The following CPLX1 variants were observed in gnomAD, a reference collection of about 807,000 sequenced individuals.
CPLX1 encodes the protein complexin 1, also known as complexin-1.
CPLX1 carries 6 observed loss-of-function variants against 15.6 expected under a neutral mutation model. That is an observed-to-expected ratio of 0.39 (90% CI 0.21 to 0.76). CPLX1 has a LOEUF of 0.76. Among genes scored for constraint, CPLX1 ranks in the 30% least tolerant of loss-of-function variants. The pLI is 0.43. For missense variants in CPLX1, 242 were observed against 188.6 expected (o/e 1.28, Z -1.66); for synonymous variants, 91 against 75.2 (o/e 1.21, Z -1.08).
chr4:814,187 T>C (rs1475866952), intron 2 of CPLX1, among the ~76,000 whole-genome samples: 1 of 152,148 alleles, frequency 6.6e-6, no homozygotes, highest in African/African-American at 2.4e-5. Context: ...CACTTCCTCT[T>C]ATAATCATGC....
intron 2 of CPLX1, chr4:804,650 C>T (rs533425857): frequency 3.3e-5 from 27 of 829,552 alleles, no homozygotes; most frequent in South Asian, 1.1e-4. Flanking sequence ...GCTTAAACTC[C>T]AACGCTTTTG....
At chr4:825,217 T>C (rs1057137813) in intron 1 of CPLX1, among the ~76,000 whole-genome samples, 2 of 150,598 alleles carry the variant, frequency 1.3e-5, no homozygotes, top group African/African-American at 4.9e-5. Context: ...GGGGCGTGCA[T>C]GGGGTGGGGT....
At position 786,940 on chromosome 4, in the gene CPLX1, G is replaced by C. The variant is rs576705968; in HGVS notation, c.208-242C>G. 5.2e-3 allele frequency: 5,119 copies of C among 982,752 alleles called. 26 individuals carry two copies. The highest frequency in any genetic ancestry group is 6.1e-3 in the East Asian group (54 of 8,788). The allele number at this position is 982,752 out of a possible 1,614,324, so 60.9% of individuals were successfully genotyped here. Reference sequence around the variant, plus strand: ...CATGGGGGGGAGCAGGGAGGGGGAGGCTCCCATCTTCCTTGAGAGGAGAGA... The same window carrying C: ...CATGGGGGGGAGCAGGGAGGGGGAGCCTCCCATCTTCCTTGAGAGGAGAGA... On this transcript the variant is annotated intron_variant, in intron 3 of 3. Coordinates refer to ENST00000304062, the MANE Select transcript of CPLX1 (RefSeq NM_006651.4).
At chr4:792,376 G>C in intron 3 of CPLX1, 57 bp downstream of exon 3, 1 of 1,424,644 alleles carries the variant, frequency 7.0e-7, no homozygotes, top group Non-Finnish European at 9.2e-7. Flanking sequence ...GGCGGGATCT[G>C]GGTCCCCGCT....
At chr4:787,038 C>T in intron 3 of CPLX1, 1 of 985,414 alleles carries the variant, frequency 1.0e-6, no homozygotes, top group South Asian at 4.7e-5. Context: ...AGCCTCCGGC[C>T]CGGGGCAGGG....
Position 820,909 on chromosome 4 carries a change from C to T in CPLX1, c.31+3583G>A, listed in dbSNP as rs187244172. On this transcript the variant is annotated intron_variant, in intron 2 of 3. Coordinates refer to ENST00000304062, the MANE Select transcript of CPLX1 (RefSeq NM_006651.4). ...CTCACAGCCCAGCCCCACGGGGGCG[C>T]GGAGGGGCTCTCCCACACGGTGGAA... Among the ~76,000 whole-genome samples, 949 of 152,270 alleles carry T rather than the reference C, an allele frequency of 6.2e-3. 5 individuals carry two copies. The highest frequency in any genetic ancestry group is 0.021 in the African/African-American group (882 of 41,552).
chr4:819,083 G>A (rs756966699), intron 2 of CPLX1, among the ~76,000 whole-genome samples: 29 of 152,244 alleles, frequency 1.9e-4, no homozygotes, highest in African/African-American at 6.5e-4. Context: ...AGCATTAAAC[G>A]CTCTGCGCTC....
At chr4:817,391 TAAAA>T (rs56378964) in intron 2 of CPLX1, among the ~76,000 whole-genome samples, 1 of 126,778 alleles carries the variant, frequency 7.9e-6, no homozygotes, top group African/African-American at 2.9e-5. Flanking sequence ...CCGTCTCTAC[TAAAA>T]AAAAAAAAAA....
rs1452707841 is a variant in CPLX1, at chr4:785,522, G to A, written c.*979C>T. 2 of 152,592 alleles carry A rather than the reference G, an allele frequency of 1.3e-5. No individual in the cohort carries two copies. Among genetic ancestry groups the A allele is most frequent in the African/African-American group, 4.8e-5 (2 of 41,466 alleles). The allele number at this position is 152,592 out of a possible 1,614,324, so 9.5% of individuals were successfully genotyped here. On this transcript the variant is annotated 3_prime_UTR_variant, in exon 4 of 4. Transcript: ENST00000304062. ...TACCTGAGATTCAACAAATTGTGATGCAAATTAAACATGAATGGAGGAGAA... is the reference window on the plus strand; with the variant it reads ...TACCTGAGATTCAACAAATTGTGATACAAATTAAACATGAATGGAGGAGAA...
chr4:786,396 T>C lies in CPLX1; in HGVS notation c.*105A>G, dbSNP rs2152640690. 4 of 1,312,460 alleles carry C rather than the reference T, an allele frequency of 3.0e-6. No individual in the cohort carries two copies. The highest frequency in any genetic ancestry group is 4.1e-6 in the Non-Finnish European group (4 of 984,048). 81.3% of individuals were successfully genotyped at this position (1,312,460 alleles called of 1,614,324 possible). A position where few individuals can be genotyped will look rare whatever the true frequency, so the allele number is the denominator to read the frequency against. ...GGCAGGGCGGGCCTGGGGCTATGGCTTATATCGGCGTGGGGGCTGCGCTCT... is the reference window on the plus strand; with the variant it reads ...GGCAGGGCGGGCCTGGGGCTATGGCCTATATCGGCGTGGGGGCTGCGCTCT... On this transcript the variant is annotated 3_prime_UTR_variant, in exon 4 of 4. Transcript: ENST00000304062.
intron 2 of CPLX1, among the ~76,000 whole-genome samples, chr4:805,531 G>T (rs1746541207): frequency 6.6e-6 from 1 of 152,250 alleles, no homozygotes; most frequent in East Asian, 1.9e-4. Flanking sequence ...AGCTGCTGTG[G>T]AAACAGTCTG....
chr4:790,056 TGAGGGCAGCGTTCCCCC>T (rs1480954617), intron 3 of CPLX1, among the ~76,000 whole-genome samples: 1 of 100,510 alleles, frequency 9.9e-6, no homozygotes, highest in Admixed American at 8.8e-5. Context: ...AGGCCACGCC[TGAGGGCAGCGTTCCCCC>T]ACCCCAACAG....
intron 3 of CPLX1, among the ~76,000 whole-genome samples, chr4:791,043 C>T (rs993280937): frequency 6.6e-6 from 1 of 152,122 alleles, no homozygotes; most frequent in Admixed American, 6.5e-5. Context: ...ACTCCCCCTT[C>T]CTTCTCCTCC....
intron 2 of CPLX1, among the ~76,000 whole-genome samples, chr4:817,854 G>C (rs79644742): frequency 1.3e-5 from 2 of 152,108 alleles, no homozygotes; most frequent in African/African-American, 2.4e-5. Flanking sequence ...CCCACCAGCC[G>C]TGAGGGGAGG....
At chr4:792,384 G>T (rs749616705) in intron 3 of CPLX1, 49 bp downstream of exon 3, 9 of 1,451,978 alleles carry the variant, frequency 6.2e-6, no homozygotes, top group Non-Finnish European at 8.2e-6. Flanking sequence ...CTGGGTCCCC[G>T]CTGGACTCAG....
intron 3 of CPLX1, among the ~76,000 whole-genome samples, chr4:790,052 C>T (rs995396262): frequency 5.9e-5 from 6 of 101,420 alleles, no homozygotes; most frequent in African/African-American, 9.4e-5. Context: ...CCAAAGGCCA[C>T]GCCTGAGGGC....
chr4:794,045 C>T (rs939280502), intron 2 of CPLX1, among the ~76,000 whole-genome samples: 3 of 152,226 alleles, frequency 2.0e-5, no homozygotes, highest in Non-Finnish European at 2.9e-5. Context: ...CCGTGCTATA[C>T]GGAGCCTGGG....
intron 2 of CPLX1, among the ~76,000 whole-genome samples, chr4:796,715 A>G: frequency 6.6e-6 from 1 of 152,270 alleles, no homozygotes; most frequent in South Asian, 2.1e-4. Context: ...TGGCCAGGGT[A>G]ACTCCACACG....
intron 2 of CPLX1, among the ~76,000 whole-genome samples, chr4:803,664 C>T (rs957218105): frequency 2.2e-4 from 34 of 152,106 alleles, no homozygotes; most frequent in Non-Finnish European, 1.5e-4. Flanking sequence ...GGATTACAGG[C>T]GTGAGCCACC....
Sources: allele counts gnomAD v4.1 joint callset (sites outside exome capture counted in the v4.1 genomes callset), GRCh38; gene constraint gnomAD v4.1.1; transcripts MANE v1.5; gene names NCBI Gene and HGNC (gene_info 2026-07-23, HGNC 2026-07-21).